Variants in FHIT observed in about 807,000 individuals in gnomAD.
FHIT encodes the protein bis(5'-adenosyl)-triphosphatase.
In FHIT, 19 loss-of-function variants were observed where a neutral mutation model predicts 17.9. The observed-to-expected ratio is 1.06, with a 90% CI of 0.74 to 1.56. FHIT has a LOEUF of 1.56. FHIT is among the 40% of genes most tolerant of loss of function. FHIT has a pLI of 0.00. For synonymous variants in FHIT, 81 were observed against 69.7 expected (o/e 1.16, Z -0.81); for missense variants, 248 against 189.2 (o/e 1.31, Z -1.82).
chr3:60,973,166 CT>C (rs1190430678), intron 3 of FHIT, among the ~76,000 whole-genome samples: 1 of 152,088 alleles, frequency 6.6e-6, no homozygotes, highest in Non-Finnish European at 1.5e-5. Flanking sequence ...ATGATGTTAT[CT>C]TTCTCCAAAG....
chr3:60,855,358 T>A (rs547831158), intron 3 of FHIT, among the ~76,000 whole-genome samples: 1 of 152,152 alleles, frequency 6.6e-6, no homozygotes, highest in East Asian at 1.9e-4. Flanking sequence ...TAAAAAGTCA[T>A]AGTTGCAAGA....
At chr3:61,215,593 C>T (rs1006126691) in intron 1 of FHIT, among the ~76,000 whole-genome samples, 1 of 152,112 alleles carries the variant, frequency 6.6e-6, no homozygotes, top group East Asian at 1.9e-4. Flanking sequence ...AGATTCAATG[C>T]CATCCCCATC....
chr3:60,502,617 G>C (rs920841158), intron 5 of FHIT, among the ~76,000 whole-genome samples: 2 of 152,092 alleles, frequency 1.3e-5, no homozygotes, highest in Non-Finnish European at 2.9e-5. Context: ...TTAATCATTT[G>C]ATAATTTTTT....
chr3:59,949,952 G>T (rs1353336214), intron 7 of FHIT, among the ~76,000 whole-genome samples: 3 of 152,078 alleles, frequency 2.0e-5, no homozygotes, highest in Admixed American at 6.5e-5. Flanking sequence ...GCTTTATTCA[G>T]TCTTTCTTCC....
Position 60,012,262 on chromosome 3 carries a change from TG to T in FHIT, c.250-863del, listed in dbSNP as rs371644017. On this transcript the variant is annotated intron_variant, in intron 6 of 9. Coordinates refer to ENST00000492590, the MANE Select transcript of FHIT (RefSeq NM_002012.4). ...AACAATGTAAATCAGGTGTTTTTTTTGTTGTTTTTTTTTTTTTTTTTTTTGA... is the reference window on the plus strand; with the variant it reads ...AACAATGTAAATCAGGTGTTTTTTTTTTGTTTTTTTTTTTTTTTTTTTTGA... 1.4e-3 allele frequency among the ~76,000 whole-genome samples: 196 copies of T among 137,412 alleles called. 2 individuals are homozygous for T. The highest frequency in any genetic ancestry group is 4.9e-3 in the African/African-American group (161 of 32,742). 90.1% of individuals were successfully genotyped at this position (137,412 alleles called of 152,430 possible).
chr3:60,717,052 A>G (rs1226631073), intron 4 of FHIT, among the ~76,000 whole-genome samples: 1 of 152,232 alleles, frequency 6.6e-6, no homozygotes, highest in Non-Finnish European at 1.5e-5. Context: ...ATAGAAAGAC[A>G]AATACTGCAT....
intron 7 of FHIT, among the ~76,000 whole-genome samples, chr3:59,929,393 CAG>C: frequency 1.1e-5 from 1 of 88,536 alleles, no homozygotes; most frequent in East Asian, 4.2e-4. Flanking sequence ...TTTTTTGAGA[CAG>C]GGTCTCACTC....
intron 5 of FHIT, among the ~76,000 whole-genome samples, chr3:60,205,017 G>A (rs904105982): frequency 6.6e-6 from 1 of 151,580 alleles, no homozygotes; most frequent in African/African-American, 2.4e-5. Flanking sequence ...GATAGCTTGA[G>A]CCTGGGAGGC....
intron 5 of FHIT, among the ~76,000 whole-genome samples, chr3:60,057,800 G>T (rs1702140808): frequency 6.6e-6 from 1 of 151,744 alleles, no homozygotes; most frequent in Non-Finnish European, 1.5e-5. Flanking sequence ...CCTCTCCCTA[G>T]TTCCTGTTTT....
intron 3 of FHIT, among the ~76,000 whole-genome samples, chr3:60,930,869 A>G (rs1370050034): frequency 6.6e-6 from 1 of 152,208 alleles, no homozygotes; most frequent in Non-Finnish European, 1.5e-5. Context: ...TACTGGGTAT[A>G]TACCCAAAGA....
At chr3:59,991,024 C>T (rs1709208051) in intron 7 of FHIT, among the ~76,000 whole-genome samples, 4 of 152,002 alleles carry the variant, frequency 2.6e-5, no homozygotes. Flanking sequence ...GAGTTCAAAC[C>T]TTAAACATCC....
chr3:60,634,181 G>A (rs2039519901), intron 4 of FHIT, among the ~76,000 whole-genome samples: 1 of 151,954 alleles, frequency 6.6e-6, no homozygotes, highest in South Asian at 2.1e-4. Flanking sequence ...TGAGTTCTGG[G>A]GACACAAACA....
At chr3:59,969,641 A>C (rs1220281317) in intron 7 of FHIT, among the ~76,000 whole-genome samples, 1 of 152,078 alleles carries the variant, frequency 6.6e-6, no homozygotes, top group African/African-American at 2.4e-5. Context: ...TTTATGCTTC[A>C]TTTGCGTACT....
chr3:61,208,528 T>G (rs1272603847), intron 1 of FHIT, among the ~76,000 whole-genome samples: 1 of 152,136 alleles, frequency 6.6e-6, no homozygotes, highest in Admixed American at 6.5e-5. Context: ...TTTAGGATAG[T>G]TAGCTCTTCT....
At chr3:60,125,840 T>A (rs1262807386) in intron 5 of FHIT, among the ~76,000 whole-genome samples, 1 of 152,178 alleles carries the variant, frequency 6.6e-6, no homozygotes, top group Non-Finnish European at 1.5e-5. Flanking sequence ...AAAACAATGC[T>A]TTGAAGAAAC....
intron 5 of FHIT, among the ~76,000 whole-genome samples, chr3:60,358,307 T>G (rs1273932300): frequency 6.6e-6 from 1 of 152,182 alleles, no homozygotes; most frequent in South Asian, 2.1e-4. Context: ...ATACTAGAGA[T>G]GTATTTGGCT....
chr3:61,227,577 T>C (rs2040000498), intron 1 of FHIT, among the ~76,000 whole-genome samples: 1 of 152,200 alleles, frequency 6.6e-6, no homozygotes, highest in South Asian at 2.1e-4. Flanking sequence ...TAAATGTGAC[T>C]TATAAAAAAA....
chr3:60,126,194 A>C (rs180988480), intron 5 of FHIT, among the ~76,000 whole-genome samples: 1 of 152,182 alleles, frequency 6.6e-6, no homozygotes, highest in Admixed American at 6.5e-5. Flanking sequence ...CATCTCTCCT[A>C]CTGTGTTGCA....
At chr3:61,033,272 A>AT (rs1222356124) in intron 3 of FHIT, among the ~76,000 whole-genome samples, 1 of 152,146 alleles carries the variant, frequency 6.6e-6, no homozygotes, top group East Asian at 1.9e-4. Flanking sequence ...ACAGCCAGTT[A>AT]TTTGTTTACA....
Sources: gnomAD v4.1 joint callset for allele counts (sites outside exome capture counted in the v4.1 genomes callset) on GRCh38, gnomAD v4.1.1 for gene constraint, MANE v1.5 for transcripts, NCBI Gene and HGNC (gene_info 2026-07-23, HGNC 2026-07-21) for gene names.